Variants in SIL1 observed in about 807,000 individuals in gnomAD.
SIL1 encodes the protein nucleotide exchange factor SIL1.
SIL1 carries 40 observed loss-of-function variants against 49.1 expected under a neutral mutation model. The observed-to-expected ratio is 0.81, with a 90% confidence interval of 0.63 to 1.06. SIL1 has a LOEUF of 1.06. Ranked by LOEUF, SIL1 falls within the 50% of genes least tolerant of loss-of-function variation. The pLI, the probability that SIL1 is intolerant of heterozygous loss-of-function variation, is 0.00. For synonymous variants in SIL1, 253 were observed against 250.8 expected (o/e 1.01, Z -0.08); for missense variants, 500 against 572.6 (o/e 0.87, Z 1.29).
chr5:139,132,647 A>C (rs1212073620), intron 1 of SIL1, among the ~76,000 whole-genome samples: 1 of 152,178 alleles, frequency 6.6e-6, no homozygotes, highest in Non-Finnish European at 1.5e-5. Flanking sequence ...CAGGCTTCAC[A>C]GGGGCATCCA....
intron 3 of SIL1, among the ~76,000 whole-genome samples, chr5:139,060,953 G>A (rs1333765248): frequency 6.6e-6 from 1 of 152,196 alleles, no homozygotes; most frequent in East Asian, 1.9e-4. Flanking sequence ...TAGGAGCCAT[G>A]TCAAATGCCC....
intron 7 of SIL1, among the ~76,000 whole-genome samples, chr5:138,964,283 C>A (rs922338984): frequency 2.0e-5 from 3 of 152,148 alleles, no homozygotes; most frequent in African/African-American, 7.2e-5. Context: ...GAGCAAAGAA[C>A]GAACATAGTT....
At chr5:138,950,179 T>A (rs1275915774) in intron 9 of SIL1, among the ~76,000 whole-genome samples, 1 of 152,198 alleles carries the variant, frequency 6.6e-6, no homozygotes, top group Admixed American at 6.5e-5. Context: ...GAGCCCAGTT[T>A]CCCTGGGAAA....
At chr5:139,074,025 A>G (rs1422553229) in intron 3 of SIL1, among the ~76,000 whole-genome samples, 1 of 152,226 alleles carries the variant, frequency 6.6e-6, no homozygotes, top group Non-Finnish European at 1.5e-5. Flanking sequence ...TTAATTAGCT[A>G]GATTTAGTCA....
chr5:139,192,997 CAAAAAAAAAAAAAA>C (rs60150903), intron 1 of SIL1, among the ~76,000 whole-genome samples: 4 of 79,002 alleles, frequency 5.1e-5, no homozygotes, highest in African/African-American at 7.2e-5. Context: ...AACTCAGTCT[CAAAAAAAAAAAAAA>C]AAAAAAAAAA....
intron 7 of SIL1, among the ~76,000 whole-genome samples, chr5:138,985,643 TA>T: frequency 6.6e-6 from 1 of 152,210 alleles, no homozygotes; most frequent in Non-Finnish European, 1.5e-5. Flanking sequence ...CACAGAGACT[TA>T]AAGTCTCACA....
chr5:139,140,100 T>A (rs1436429404), intron 1 of SIL1, among the ~76,000 whole-genome samples: 2 of 152,072 alleles, frequency 1.3e-5, no homozygotes, highest in East Asian at 1.9e-4. Context: ...TGAAACCCCG[T>A]CTCTACTAAA....
At chr5:139,075,346 G>A (rs1769926310) in intron 3 of SIL1, among the ~76,000 whole-genome samples, 1 of 152,102 alleles carries the variant, frequency 6.6e-6, no homozygotes, top group East Asian at 1.9e-4. Flanking sequence ...TCCCTCTGCA[G>A]CAGGAGATAT....
intron 4 of SIL1, among the ~76,000 whole-genome samples, chr5:139,043,237 C>G (rs142596481): frequency 6.6e-6 from 1 of 152,166 alleles, no homozygotes; most frequent in Non-Finnish European, 1.5e-5. Context: ...AAGCCATCCA[C>G]GAACAGAGGG....
intron 1 of SIL1, among the ~76,000 whole-genome samples, chr5:139,159,186 A>G (rs1477087304): frequency 3.3e-5 from 5 of 152,212 alleles, no homozygotes; most frequent in Non-Finnish European, 7.4e-5. Flanking sequence ...TCACTAGGCT[A>G]ACACTGATGC....
At chr5:139,042,596 C>T (rs1267229522) in intron 5 of SIL1, 24 bp downstream of exon 5, 2 of 1,604,422 alleles carry the variant, frequency 1.2e-6, no homozygotes, top group Non-Finnish European at 1.7e-6. Context: ...CAGGCTTATA[C>T]TCACAGGAAA....
chr5:139,074,285 G>A (rs1769896416), intron 3 of SIL1, among the ~76,000 whole-genome samples: 2 of 152,120 alleles, frequency 1.3e-5, no homozygotes. Flanking sequence ...TTGAACTCCT[G>A]GGTTCAAGCA....
At chr5:139,057,221 T>C (rs1246660750) in intron 3 of SIL1, among the ~76,000 whole-genome samples, 6 of 149,712 alleles carry the variant, frequency 4.0e-5, no homozygotes, top group African/African-American at 1.5e-4. Flanking sequence ...ACCAGAGACC[T>C]TTGTTCACTT....
intron 3 of SIL1, among the ~76,000 whole-genome samples, chr5:139,083,456 T>C (rs1457898349): frequency 1.5e-5 from 2 of 137,126 alleles, no homozygotes; most frequent in African/African-American, 5.7e-5. Context: ...CTTCATGTGT[T>C]TTTTGGCTGC....
chr5:139,172,313 A>G (rs567766462), intron 1 of SIL1, among the ~76,000 whole-genome samples: 2 of 152,224 alleles, frequency 1.3e-5, no homozygotes, highest in Admixed American at 1.3e-4. Flanking sequence ...CATTATAATC[A>G]AACTGTTGAA....
rs752603544 is a variant in SIL1, at chr5:139,127,763, G to A, written c.81C>T (p.Thr27=). 2.5e-6 allele frequency: 4 copies of A among 1,610,854 alleles called. No individual in the cohort carries two copies. The African/African-American group carries it at 4.0e-5, about 16-fold the overall frequency. The change falls in exon 2 of 10, where the codon ACC becomes ACT. Residue 27 remains threonine, a synonymous_variant. Transcript: ENST00000394817. The stretch of plus-strand genomic sequence containing the variant: ...CCAGGTTCTGATGACTGAGGCAGAA[G>A]GTGAAGCAGGCGGCCATCAGCAGCC... The part of the protein sequence containing the change: ...LLGLLMAACF[T]FCLSHQNLKE...
rs200912272 is a variant in SIL1, at chr5:139,028,187, CAAG to C, written c.454-1198_454-1196del. Reference sequence around the variant, plus strand: ...ACAAAAACGATGTGTGCCTGGCTCTCAAGAAGGCCTCAAAAAAAAAAAAAGGTT... The same window carrying C: ...ACAAAAACGATGTGTGCCTGGCTCTCAAGGCCTCAAAAAAAAAAAAAGGTT... On this transcript the variant is annotated intron_variant, in intron 5 of 9. Coordinates refer to ENST00000394817, the MANE Select transcript of SIL1 (RefSeq NM_022464.5). Among the ~76,000 whole-genome samples the C allele has an allele frequency of 7.8e-3, 1,174 of 149,888 alleles. 10 individuals carry two copies. The highest frequency in any genetic ancestry group is 0.028 in the African/African-American group (1,122 of 40,776).
At chr5:139,069,838 C>T (rs1581076060) in intron 3 of SIL1, among the ~76,000 whole-genome samples, 1 of 152,266 alleles carries the variant, frequency 6.6e-6, no homozygotes, top group African/African-American at 2.4e-5. Flanking sequence ...CTACTGCCAG[C>T]AGAAGATGAA....
At chr5:139,056,039 C>A (rs7445495) in intron 3 of SIL1, among the ~76,000 whole-genome samples, 24,397 of 151,206 alleles carry the variant, frequency 0.16, 2,508 homozygotes, top group South Asian at 0.26. Flanking sequence ...ACCTCCCAGC[C>A]GCCTGCCTTG....
Sources: gnomAD v4.1 joint callset for allele counts (sites outside exome capture counted in the v4.1 genomes callset) on GRCh38, gnomAD v4.1.1 for gene constraint, MANE v1.5 for transcripts, NCBI Gene and HGNC (gene_info 2026-07-23, HGNC 2026-07-21) for gene names.